CD38: variants seen among roughly 807,000 people sequenced by gnomAD.
CD38 encodes the protein CD38 molecule.
CD38 carries 31 observed loss-of-function variants against 36.3 expected under a neutral mutation model. The observed-to-expected ratio is 0.85, with a 90% confidence interval of 0.64 to 1.15. The LOEUF is 1.15. Ranked by LOEUF, CD38 falls within the 50% of genes most tolerant of loss-of-function variation. CD38 has a pLI of 0.00. For synonymous variants in CD38, 131 were observed against 135.2 expected (o/e 0.97, Z 0.22); for missense variants, 380 against 371.9 (o/e 1.02, Z -0.18).
intron 1 of CD38, among the ~76,000 whole-genome samples, chr4:15,790,201 G>A (rs920541562): frequency 9.5e-5 from 12 of 126,920 alleles, no homozygotes; most frequent in African/African-American, 2.7e-4. Context: ...CTCTCTCCAC[G>A]GTCTCCTTCC....
intron 2 of CD38, among the ~76,000 whole-genome samples, chr4:15,819,595 G>T (rs1056546922): frequency 6.6e-6 from 1 of 152,068 alleles, no homozygotes; most frequent in African/African-American, 2.4e-5. Context: ...AGAACTTCAA[G>T]ATGTAAACAC....
intron 1 of CD38, among the ~76,000 whole-genome samples, chr4:15,806,617 A>G (rs944354794): frequency 6.6e-6 from 1 of 152,174 alleles, no homozygotes; most frequent in Admixed American, 6.6e-5. Context: ...ACCTGGAGTC[A>G]ATCCACCTTG....
intron 3 of CD38, among the ~76,000 whole-genome samples, chr4:15,827,756 A>G (rs1199010027): frequency 6.6e-6 from 1 of 152,092 alleles, no homozygotes; most frequent in Non-Finnish European, 1.5e-5. Flanking sequence ...TACAGTTCAG[A>G]GTTCCTTATT....
intron 7 of CD38, among the ~76,000 whole-genome samples, chr4:15,847,501 T>A (rs1223106976): frequency 2.9e-5 from 3 of 104,940 alleles, no homozygotes; most frequent in African/African-American, 1.3e-4. Context: ...ATGGCACATG[T>A]ATACATATGT....
chr4:15,836,977 A>G (rs990339597), intron 4 of CD38, among the ~76,000 whole-genome samples: 10 of 152,238 alleles, frequency 6.6e-5, no homozygotes, highest in African/African-American at 2.4e-4. Context: ...ATAACCCAAA[A>G]TCCACCCACT....
At chr4:15,784,890 T>C (rs965533174) in intron 1 of CD38, among the ~76,000 whole-genome samples, 8 of 152,026 alleles carry the variant, frequency 5.3e-5, no homozygotes, top group African/African-American at 1.9e-4. Context: ...ACCCCGTCTC[T>C]ACTAAAAATA....
At chr4:15,787,795 A>G (rs568151347) in intron 1 of CD38, among the ~76,000 whole-genome samples, 1 of 152,306 alleles carries the variant, frequency 6.6e-6, no homozygotes, top group East Asian at 1.9e-4. Flanking sequence ...CAGTCTCAAT[A>G]AACTGGAGCT....
At chr4:15,806,259 C>T (rs1723339061) in intron 1 of CD38, among the ~76,000 whole-genome samples, 1 of 152,168 alleles carries the variant, frequency 6.6e-6, no homozygotes, top group South Asian at 2.1e-4. Context: ...GGTCCTGACC[C>T]TTTTGTACCA....
At chr4:15,829,224 AT>A (rs1409797523) in intron 3 of CD38, among the ~76,000 whole-genome samples, 3 of 151,424 alleles carry the variant, frequency 2.0e-5, no homozygotes, top group Non-Finnish European at 4.4e-5. Flanking sequence ...TTGTTTTTTA[AT>A]TTTTAATTTT....
chr4:15,789,260 C>G (rs1446929406), intron 1 of CD38, among the ~76,000 whole-genome samples: 1 of 152,150 alleles, frequency 6.6e-6, no homozygotes, highest in Admixed American at 6.5e-5. Flanking sequence ...AGATGAAATT[C>G]TTGCTCACAT....
intron 1 of CD38, among the ~76,000 whole-genome samples, chr4:15,815,200 T>C (rs1213075348): frequency 6.6e-6 from 1 of 152,224 alleles, no homozygotes; most frequent in Non-Finnish European, 1.5e-5. Flanking sequence ...TCAGGTAACG[T>C]GATGCCTCCA....
chr4:15,840,020 T>C lies in CD38; in HGVS notation c.660-6T>C. The C allele has an allele frequency of 6.2e-7, 1 of 1,607,024 alleles. No individual in the cohort carries two copies. Among genetic ancestry groups the C allele is most frequent in the Non-Finnish European group, 8.5e-7 (1 of 1,173,572 alleles). ...TGTTTGGGGTTCTTTGTTTCTTCTA[T>C]TTTAGCACTTTTGGGAGTGTGGAAG... On this transcript the variant is annotated splice_polypyrimidine_tract_variant and splice_region_variant and intron_variant, in intron 5 of 7. Coordinates refer to ENST00000226279, the MANE Select transcript of CD38 (RefSeq NM_001775.4).
chr4:15,826,602 C>T (rs1723855741), intron 3 of CD38, among the ~76,000 whole-genome samples: 1 of 151,886 alleles, frequency 6.6e-6, no homozygotes, highest in Non-Finnish European at 1.5e-5. Flanking sequence ...TAACTATACC[C>T]TCATCAAGAG....
At chr4:15,840,566 A>T (rs757021097) in intron 7 of CD38, 28 bp downstream of exon 7, 1 of 1,310,648 alleles carries the variant, frequency 7.6e-7, no homozygotes. Context: ...GAAGAAAAAA[A>T]TGACTGTCTT....
chr4:15,821,665 C>T (rs1351984385), intron 2 of CD38, among the ~76,000 whole-genome samples: 1 of 130,674 alleles, frequency 7.7e-6, no homozygotes, highest in Non-Finnish European at 1.6e-5. Flanking sequence ...ATAACAAGTT[C>T]TATAATTGAG....
intron 1 of CD38, among the ~76,000 whole-genome samples, chr4:15,796,839 T>C (rs1723113120): frequency 6.6e-6 from 1 of 152,166 alleles, no homozygotes; most frequent in Non-Finnish European, 1.5e-5. Context: ...ATTATATAGA[T>C]TCCACTTTAC....
intron 5 of CD38, 21 bp downstream of exon 5, chr4:15,838,186 C>G: frequency 1.9e-6 from 3 of 1,560,168 alleles, no homozygotes; most frequent in Non-Finnish European, 2.7e-6. Flanking sequence ...ATTTTGCATC[C>G]TGTTTGCAAG....
At chr4:15,826,051 CTTA>C (rs1372018883) in intron 3 of CD38, 4 of 150,774 alleles carry the variant, frequency 2.7e-5, no homozygotes, top group Admixed American at 2.0e-4. Flanking sequence ...AAAAGCTTAT[CTTA>C]TTATAGCTTC....
chr4:15,815,405 G>A (rs1723574733), intron 1 of CD38, among the ~76,000 whole-genome samples: 1 of 152,078 alleles, frequency 6.6e-6, no homozygotes, highest in South Asian at 2.1e-4. Context: ...TATGAGCATG[G>A]AATTTTTTCT....
Sources: gnomAD v4.1 joint callset for allele counts (sites outside exome capture counted in the v4.1 genomes callset) on GRCh38, gnomAD v4.1.1 for gene constraint, MANE v1.5 for transcripts, NCBI Gene and HGNC (gene_info 2026-07-23, HGNC 2026-07-21) for gene names.